The following AFF4 variants were observed in gnomAD, a reference collection of about 807,000 sequenced individuals.
AFF4 encodes ALF transcription elongation factor 4.
Under a neutral mutation model 124.8 loss-of-function variants are expected in AFF4, and 13 were observed. The observed-to-expected ratio is 0.10, with a 90% CI of 0.07 to 0.17. The LOEUF is 0.17. AFF4 is among the 10% of genes least tolerant of loss of function. The probability of loss-of-function intolerance (pLI) is 1.00; values close to 1 mark genes in which losing one functional copy is unlikely to be tolerated. For synonymous variants in AFF4, 477 were observed against 496.1 expected, an observed-to-expected ratio of 0.96 and a Z score of 0.51; for missense variants, 1,092 against 1,403.8, an observed-to-expected ratio of 0.78 and a Z score of 3.55.
At chr5:132,915,222 TCC>T (rs1760881155) in intron 5 of AFF4, among the ~76,000 whole-genome samples, 1 of 151,816 alleles carries the variant, frequency 6.6e-6, no homozygotes, top group Admixed American at 6.6e-5. Flanking sequence ...ATGCCTGTAG[TCC>T]CAGCTACTCA....
At chr5:132,935,728 G>A (rs1437443735) in intron 2 of AFF4, among the ~76,000 whole-genome samples, 14 of 150,368 alleles carry the variant, frequency 9.3e-5, no homozygotes, top group African/African-American at 3.2e-4. Context: ...CAGAGATTGC[G>A]TCATTGCACT....
At chr5:132,925,089 C>T (rs868591394) in intron 5 of AFF4, among the ~76,000 whole-genome samples, 12 of 152,006 alleles carry the variant, frequency 7.9e-5, no homozygotes, top group Non-Finnish European at 1.2e-4. Context: ...ACAGGAGAAT[C>T]GCTTGAACCC....
chr5:132,889,129 T>A lies in AFF4; in HGVS notation c.2682A>T (p.Pro894=). 4.3e-6 allele frequency: 7 copies of A among 1,614,130 alleles called. No individual in the cohort carries two copies. Among genetic ancestry groups the A allele is most frequent in the Non-Finnish European group, 5.9e-6 (7 of 1,179,972 alleles). The change falls in exon 14 of 21, where the codon CCA becomes CCT. Residue 894 remains proline, a synonymous_variant. Coordinates refer to ENST00000265343, the MANE Select transcript of AFF4 (RefSeq NM_014423.4). ...TCCGAGGCTTAGAAGAATCAAGAGT[T>A]GGTGCAGATGGAGGACAGTTAGAGG... The part of the protein sequence containing the change: ...SSSSNCPPSA[P]TLDSSKPRRT...
At chr5:132,927,537 AATG>A (rs543945025) in intron 4 of AFF4, 2,664 of 249,746 alleles carry the variant, frequency 0.011, 26 homozygotes, top group Middle Eastern at 0.027. Flanking sequence ...AGGAAGGGAC[AATG>A]ATAAGGAAAA....
In AFF4 at chr5:132,887,502, T is replaced by G; in HGVS notation, c.3005+19A>C. Reference sequence around the variant, plus strand: ...AGAACTTCCTGTATCTAGCAGAGGCTAGAACACAGAAAACTCACCAAAGTA... The same window carrying G: ...AGAACTTCCTGTATCTAGCAGAGGCGAGAACACAGAAAACTCACCAAAGTA... On this transcript the variant is annotated intron_variant, in intron 17 of 20. Transcript: ENST00000265343. 1 of 1,606,398 alleles carries G rather than the reference T, an allele frequency of 6.2e-7. No individual in the cohort carries two copies. The highest frequency in any genetic ancestry group is 1.1e-5 in the South Asian group (1 of 90,894).
chr5:132,933,780 A>G (rs1761355374), intron 3 of AFF4, among the ~76,000 whole-genome samples: 1 of 152,200 alleles, frequency 6.6e-6, no homozygotes, highest in Admixed American at 6.5e-5. Flanking sequence ...ATTCATTAGT[A>G]TCAATCTAAG....
chr5:132,912,313 G>A (rs1452140005), intron 5 of AFF4, among the ~76,000 whole-genome samples: 1 of 151,986 alleles, frequency 6.6e-6, no homozygotes, highest in Non-Finnish European at 1.5e-5. Flanking sequence ...CTGCACTCCA[G>A]CCTGGGTGAC....
In AFF4 at chr5:132,896,836, G is replaced by C. The variant is rs1452782219; in HGVS notation, c.1794C>G (p.Ser598=). ...CTTTGGTGGCTGCTTTGTGTCTGCT[G>C]GAGGGCATGCTGCTAGCCAAGTCTA... ...TPVDLASSMP[S]SRHKAATKGS... The change falls in exon 11 of 21, where the codon TCC becomes TCG. Residue 598 remains serine (S), a synonymous_variant. Coordinates refer to ENST00000265343, the MANE Select transcript of AFF4 (RefSeq NM_014423.4). The C allele has an allele frequency of 3.1e-6, 5 of 1,614,016 alleles. No homozygotes were observed. The East Asian group carries it at 1.1e-4, about 36-fold the overall frequency.
At position 132,934,270 on chromosome 5, in the gene AFF4, G is replaced by T; in HGVS notation, c.795C>A (p.Ser265=). 1 of 1,614,190 alleles carries T rather than the reference G, an allele frequency of 6.2e-7. No homozygotes were observed. Among genetic ancestry groups the T allele is most frequent in the South Asian group, 1.1e-5 (1 of 91,086 alleles). ...GCTCAGAGGACAGCTTTGGTTCCAT[G>T]GACTCCTGTCCGTCCATGGGCCGCA... ...AYVRPMDGQE[S]MEPKLSSEHY... The change falls in exon 3 of 21, where the codon TCC becomes TCA. Residue 265 remains serine, a synonymous_variant. Coordinates refer to ENST00000265343, the MANE Select transcript of AFF4 (RefSeq NM_014423.4).
chr5:132,954,254 CAGA>C (rs752205732), intron 1 of AFF4, among the ~76,000 whole-genome samples: 1 of 152,210 alleles, frequency 6.6e-6, no homozygotes, highest in African/African-American at 2.4e-5. Context: ...GTTAGATTCT[CAGA>C]AGGAGTATGC....
In AFF4 at chr5:132,877,214, A is replaced by G. The variant is rs1437870062; in HGVS notation, c.*3845T>C. 4.8e-6 allele frequency: 1 copy of G among 208,474 alleles called. No homozygotes were observed. The highest frequency in any genetic ancestry group is 9.8e-6 in the Non-Finnish European group (1 of 102,232). 12.9% of individuals were successfully genotyped at this position (208,474 alleles called of 1,614,324 possible). A position where few individuals can be genotyped will look rare whatever the true frequency, so the allele number is the denominator to read the frequency against. ...TGGGACCCAGACACAAACTCCTATA[A>G]ATCAAAATATATAATGAGGCCATAC... On this transcript the variant is annotated 3_prime_UTR_variant, in exon 21 of 21. Coordinates refer to ENST00000265343, the MANE Select transcript of AFF4 (RefSeq NM_014423.4).
chr5:132,933,307 G>T (rs1048257540), intron 3 of AFF4, among the ~76,000 whole-genome samples: 11 of 151,842 alleles, frequency 7.2e-5, no homozygotes, highest in Non-Finnish European at 1.3e-4. Flanking sequence ...TGAGGCAGGA[G>T]AATCGCTTGA....
intron 7 of AFF4, chr5:132,900,938 C>CG (rs1760535413): frequency 5.1e-6 from 5 of 984,816 alleles, no homozygotes; most frequent in South Asian, 4.7e-5. Flanking sequence ...CTATTAACTA[C>CG]TTGTACTTTT....
At chr5:132,937,930 G>GT (rs1761469940) in intron 1 of AFF4, among the ~76,000 whole-genome samples, 1 of 152,172 alleles carries the variant, frequency 6.6e-6, no homozygotes, top group African/African-American at 2.4e-5. Context: ...AATCAGGACA[G>GT]TTTGTCTTAT....
At chr5:132,956,720 C>A (rs949241270) in intron 1 of AFF4, among the ~76,000 whole-genome samples, 5 of 151,572 alleles carry the variant, frequency 3.3e-5, no homozygotes, top group African/African-American at 1.2e-4. Flanking sequence ...TTTCTCCCAC[C>A]ATTTAAAAAT....
chr5:132,920,981 G>C lies in AFF4; in HGVS notation c.1050+6140C>G, dbSNP rs567774204. On this transcript the variant is annotated intron_variant, in intron 5 of 20. Transcript: ENST00000265343. ...TCTCTACTAAAAATACAAAAAATTA[G>C]TCAGGCATGGTGGCAGGCGCCTGCA... is the stretch of plus-strand genomic sequence containing the variant. 1.4e-3 allele frequency among the ~76,000 whole-genome samples: 213 copies of C among 152,048 alleles called. 3 individuals carry two copies. The highest frequency in any genetic ancestry group is 9.3e-4 in the Non-Finnish European group (63 of 67,984).
chr5:132,911,586 A>G (rs1219342431), intron 5 of AFF4, among the ~76,000 whole-genome samples: 1 of 151,998 alleles, frequency 6.6e-6, no homozygotes, highest in Non-Finnish European at 1.5e-5. Flanking sequence ...AAAGAACAGA[A>G]CATCAGTGAA....
At chr5:132,957,039 A>AAC in intron 1 of AFF4, among the ~76,000 whole-genome samples, 1 of 150,178 alleles carries the variant, frequency 6.7e-6, no homozygotes, top group Non-Finnish European at 1.5e-5. Context: ...AAAAAAAAAA[A>AAC]AAAAAAAAAA....
chr5:132,877,787 A>G lies in AFF4; in HGVS notation c.*3272T>C. On this transcript the variant is annotated 3_prime_UTR_variant, in exon 21 of 21. Coordinates refer to ENST00000265343, the MANE Select transcript of AFF4 (RefSeq NM_014423.4). ...TGTACCAACGTTTCTGTCATTAAAT[A>G]CAAAATTATGCTGTCTGATCTGTCT... The G allele has an allele frequency of 4.7e-6, 1 of 213,188 alleles. No individual in the cohort carries two copies. Among genetic ancestry groups the G allele is most frequent in the Non-Finnish European group, 9.5e-6 (1 of 105,158 alleles). 13.2% of individuals were successfully genotyped at this position (213,188 alleles called of 1,614,324 possible). A position where few individuals can be genotyped will look rare whatever the true frequency, so the allele number is the denominator to read the frequency against.
Sources: gnomAD v4.1 joint callset for allele counts (sites outside exome capture counted in the v4.1 genomes callset) on GRCh38, gnomAD v4.1.1 for gene constraint, MANE v1.5 for transcripts, NCBI Gene and HGNC (gene_info 2026-07-23, HGNC 2026-07-21) for gene names.